The following ZFHX4 variants were observed in gnomAD, a reference collection of about 807,000 sequenced individuals.
The protein encoded by ZFHX4 is zinc finger homeobox protein 4.
In ZFHX4, 56 loss-of-function variants were observed where a neutral mutation model predicts 267.6. That is an observed-to-expected ratio of 0.21 (90% CI 0.17 to 0.26). The LOEUF (loss-of-function observed/expected upper bound fraction) is 0.26, where lower values mean the gene tolerates loss of function less well. ZFHX4 is among the 10% of genes least tolerant of loss of function. ZFHX4 has a pLI of 1.00. For synonymous variants in ZFHX4, 1,778 were observed against 1,665.6 expected (o/e 1.07, Z -1.64); for missense variants, 4,332 against 4,420.0 (o/e 0.98, Z 0.56).
At chr8:76,860,779 A>C (rs1298821988) in intron 10 of ZFHX4, among the ~76,000 whole-genome samples, 5 of 152,174 alleles carry the variant, frequency 3.3e-5, no homozygotes, top group South Asian at 2.1e-4. Flanking sequence ...CGAATGGAAA[A>C]TAGTGTATAC....
intron 3 of ZFHX4, among the ~76,000 whole-genome samples, chr8:76,759,495 G>GC (rs1563505712): frequency 6.6e-6 from 1 of 152,146 alleles, no homozygotes. Context: ...AAAATGATCT[G>GC]CCCCCAGGCC....
At chr8:76,801,138 A>G (rs1216877942) in intron 4 of ZFHX4, among the ~76,000 whole-genome samples, 1 of 152,098 alleles carries the variant, frequency 6.6e-6, no homozygotes, top group Non-Finnish European at 1.5e-5. Flanking sequence ...GAGAGAATGG[A>G]CATTGAGCCT....
At chr8:76,711,582 A>T (rs1428869887) in intron 3 of ZFHX4, among the ~76,000 whole-genome samples, 1 of 152,178 alleles carries the variant, frequency 6.6e-6, no homozygotes, top group Non-Finnish European at 1.5e-5. Context: ...AATTTTAGTC[A>T]GTTGATAAAA....
chr8:76,716,242 A>T (rs144104085), intron 3 of ZFHX4, among the ~76,000 whole-genome samples: 1 of 152,196 alleles, frequency 6.6e-6, no homozygotes, highest in African/African-American at 2.4e-5. Context: ...AATTTTACAA[A>T]AAAAAACCCT....
chr8:76,855,624 G>C lies in ZFHX4; in HGVS notation c.8703G>C (p.Thr2901=). 1 of 1,613,806 alleles carries C rather than the reference G, an allele frequency of 6.2e-7. No individual in the cohort carries two copies. The highest frequency in any genetic ancestry group is 8.5e-7 in the Non-Finnish European group (1 of 1,179,810). ...DPDDNADRSE[T]SSIADPSSPN... is the part of the protein sequence containing the mutation. ...ATGACAACGCCGACCGCAGCGAAAC[G>C]TCCAGCATAGCGGACCCGAGCTCCC... Residue 2901 remains threonine, a synonymous_variant, in exon 10 of 11, where the codon ACG becomes ACC. Transcript: ENST00000651372.
Position 76,706,491 on chromosome 8 carries a change from C to G in ZFHX4, c.2403C>G (p.Asn801Lys). The G allele has an allele frequency of 6.2e-7, 1 of 1,613,912 alleles. No individual in the cohort carries two copies. Among genetic ancestry groups the G allele is most frequent in the African/African-American group, 1.3e-5 (1 of 75,046 alleles). Reference protein sequence around the residue: ...HMHNMMLLQQNMKQIQHNLHL... With the variant: ...HMHNMMLLQQKMKQIQHNLHL... Reference sequence around the variant, plus strand: ...ATAATATGATGCTTTTGCAGCAGAACATGAAGCAGATCCAGCATAATCTGC... The same window carrying G: ...ATAATATGATGCTTTTGCAGCAGAAGATGAAGCAGATCCAGCATAATCTGC... Residue 801 changes from asparagine to lysine, a missense_variant, in exon 2 of 11, where the codon AAC becomes AAG. Coordinates refer to ENST00000651372, the MANE Select transcript of ZFHX4 (RefSeq NM_024721.5).
At position 76,854,526 on chromosome 8, in the gene ZFHX4, G is replaced by T. The variant is rs750942402; in HGVS notation, c.7605G>T (p.Met2535Ile). 5.0e-6 allele frequency: 8 copies of T among 1,613,636 alleles called. No homozygotes were observed. The South Asian group carries it at 8.8e-5, about 18-fold the overall frequency. Residue 2535 changes from methionine to isoleucine, a missense_variant, in exon 10 of 11, where the codon ATG (methionine) becomes ATT (isoleucine). Around this residue, in one of 7 missense-constraint regions of ZFHX4, gnomAD observed 1,648 missense variants for 1,625.0 expected, o/e 1.01. Coordinates refer to ENST00000651372, the MANE Select transcript of ZFHX4 (RefSeq NM_024721.5). ...CGTTCTTGGAAAGGCCCATGGACAT[G>T]CCCTACATGATATTTGACCCCAACA... Reference protein sequence around the residue: ...HSPFLERPMDMPYMIFDPNNP... With the variant: ...HSPFLERPMDIPYMIFDPNNP...
chr8:76,844,758 C>G (rs199891937), intron 6 of ZFHX4, among the ~76,000 whole-genome samples: 1 of 152,068 alleles, frequency 6.6e-6, no homozygotes, highest in Non-Finnish European at 1.5e-5. Context: ...AAAATAAGCT[C>G]TAGGCAAGGA....
At chr8:76,752,057 T>C (rs1809627464) in intron 3 of ZFHX4, among the ~76,000 whole-genome samples, 1 of 152,168 alleles carries the variant, frequency 6.6e-6, no homozygotes, top group Admixed American at 6.5e-5. Context: ...GGTTTGAGGA[T>C]GAACCTAACA....
chr8:76,852,492 G>T lies in ZFHX4; in HGVS notation c.5571G>T (p.Glu1857Asp). The T allele has an allele frequency of 6.3e-7, 1 of 1,596,592 alleles. No homozygotes were observed. Residue 1857 changes from glutamate to aspartate, a missense_variant, in exon 10 of 11, where the codon GAG becomes GAT. Around this residue, in one of 7 missense-constraint regions of ZFHX4, gnomAD observed 1,371 missense variants for 1,423.1 expected, o/e 0.96. Coordinates refer to ENST00000651372, the MANE Select transcript of ZFHX4 (RefSeq NM_024721.5). Reference sequence around the variant, plus strand: ...TGAAGGATGTGCCATCTTATAAGGAGGCAGAAGATATTTCTGAAAAGCCAG... The same window carrying T: ...TGAAGGATGTGCCATCTTATAAGGATGCAGAAGATATTTCTGAAAAGCCAG... ...QIMKDVPSYK[E>D]AEDISEKPEK...
intron 3 of ZFHX4, among the ~76,000 whole-genome samples, chr8:76,759,489 T>A (rs968374255): frequency 6.6e-6 from 1 of 152,184 alleles, no homozygotes; most frequent in East Asian, 1.9e-4. Flanking sequence ...TTAAATAAAA[T>A]GATCTGCCCC....
Position 76,851,049 on chromosome 8 carries a change from T to A in ZFHX4, c.4128T>A (p.Asp1376Glu). ...TGAAAATCCCCGACACACTGCAAGATCAATTAAATGAACAGCAAAAAAGGC... is the reference window on the plus strand; with the variant it reads ...TGAAAATCCCCGACACACTGCAAGAACAATTAAATGAACAGCAAAAAAGGC... Reference protein sequence around the residue: ...KDVKIPDTLQDQLNEQQKRQP... With the variant: ...KDVKIPDTLQEQLNEQQKRQP... The change falls in exon 10 of 11, where the codon GAT becomes GAA. Residue 1376 changes from aspartate (D) to glutamate (E), a missense_variant. By Grantham distance (45) the Asp-to-Glu change is conservative. This residue lies in a region of ZFHX4 where 1,371 missense variants were observed against 1,423.1 expected (regional missense o/e 0.96). Coordinates refer to ENST00000651372, the MANE Select transcript of ZFHX4 (RefSeq NM_024721.5). The A allele has an allele frequency of 6.2e-7, 1 of 1,613,888 alleles. No homozygotes were observed. The highest frequency in any genetic ancestry group is 2.2e-5 in the East Asian group (1 of 44,862).
intron 4 of ZFHX4, among the ~76,000 whole-genome samples, chr8:76,832,457 T>C (rs1262398593): frequency 6.6e-6 from 1 of 152,148 alleles, no homozygotes; most frequent in East Asian, 1.9e-4. Context: ...AGATTCTATT[T>C]TCTAAAAAGA....
chr8:76,826,957 A>G (rs1210365686), intron 4 of ZFHX4, among the ~76,000 whole-genome samples: 1 of 152,250 alleles, frequency 6.6e-6, no homozygotes, highest in Non-Finnish European at 1.5e-5. Context: ...TATTGGGTGG[A>G]AGAGGGATCA....
intron 1 of ZFHX4, chr8:76,682,640 A>G (rs181682989): frequency 6.6e-6 from 1 of 152,638 alleles, no homozygotes; most frequent in East Asian, 1.9e-4. Flanking sequence ...GGGGTCAAGA[A>G]TCTTTTCCTT....
At chr8:76,800,155 A>G (rs1166088174) in intron 4 of ZFHX4, among the ~76,000 whole-genome samples, 1 of 152,088 alleles carries the variant, frequency 6.6e-6, no homozygotes, top group Non-Finnish European at 1.5e-5. Flanking sequence ...GGAGTCGCAC[A>G]ATTAGGATGT....
chr8:76,801,701 C>T (rs187338451), intron 4 of ZFHX4, among the ~76,000 whole-genome samples: 12 of 152,200 alleles, frequency 7.9e-5, no homozygotes, highest in African/African-American at 2.4e-4. Context: ...AAAGTATGTG[C>T]GGTTAGGAGT....
chr8:76,724,740 C>G (rs1808808310), intron 3 of ZFHX4, among the ~76,000 whole-genome samples: 1 of 152,026 alleles, frequency 6.6e-6, no homozygotes, highest in Non-Finnish European at 1.5e-5. Flanking sequence ...AAATCCACTT[C>G]CTTTGTACAT....
At position 76,693,625 on chromosome 8, in the gene ZFHX4, G is replaced by T. The variant is rs935061723; in HGVS notation, c.-46-10418G>T. The T allele has an allele frequency of 3.9e-5, 6 of 152,180 alleles. No individual in the cohort carries two copies. In the East Asian group the frequency reaches 9.6e-4, roughly 24 times the overall value. The allele number at this position is 152,180 out of a possible 1,614,324, so 9.4% of individuals were successfully genotyped here. A position where few individuals can be genotyped will look rare whatever the true frequency, so the allele number is the denominator to read the frequency against. ...AATAATTTGTTATGCTTACGCTGGA[G>T]ATTATTTTTATTTGTGAGCAAAGAA... is the stretch of plus-strand genomic sequence containing the variant. On this transcript the variant is annotated intron_variant, in intron 1 of 10. Coordinates refer to ENST00000651372, the MANE Select transcript of ZFHX4 (RefSeq NM_024721.5).
Sources: allele counts gnomAD v4.1 joint callset (sites outside exome capture counted in the v4.1 genomes callset), GRCh38; gene constraint gnomAD v4.1.1; regional missense constraint gnomAD v4.1.1; transcripts MANE v1.5; gene names NCBI Gene and HGNC (gene_info 2026-07-23, HGNC 2026-07-21).